The following GAGE10 variants were observed in gnomAD, a reference collection of about 807,000 sequenced individuals.
GAGE10 encodes the protein G antigen 10.
In GAGE10, 9 loss-of-function variants were observed where a neutral mutation model predicts 11.5. That is an observed-to-expected ratio of 0.78 (90% CI 0.47 to 1.37). The LOEUF (loss-of-function observed/expected upper bound fraction) is 1.37, where lower values mean the gene tolerates loss of function less well. GAGE10 is among the 40% of genes most tolerant of loss of function. GAGE10 has a pLI of 0.00. For missense variants in GAGE10, 83 were observed against 92.9 expected, an observed-to-expected ratio of 0.89 and a Z score of 0.44; for synonymous variants, 23 against 29.7, an observed-to-expected ratio of 0.77 and a Z score of 0.73.
intron 3 of GAGE10, among the ~76,000 whole-genome samples, chrX:49,311,897 C>T (rs1359887709): frequency 1.8e-5 from 2 of 112,450 alleles, no homozygotes; most frequent in African/African-American, 3.2e-5. Flanking sequence ...GGTCAGAAGA[C>T]AATAGTCTGG....
chrX:49,310,095 G>A (rs1441094395), intron 3 of GAGE10, among the ~76,000 whole-genome samples: 5 of 112,422 alleles, frequency 4.4e-5, no homozygotes, highest in African/African-American at 1.6e-4. Context: ...AAGACTTTGT[G>A]AGGCATTTTG....
At chrX:49,317,056 A>G (rs2066394432) in intron 3 of GAGE10, 107 bp from the exon 4 acceptor site, 1 of 931,833 alleles carries the variant, frequency 1.1e-6, no homozygotes, top group Non-Finnish European at 1.5e-6. Flanking sequence ...ATTTATTATT[A>G]TACTAGCTAA....
intron 3 of GAGE10, among the ~76,000 whole-genome samples, 164 bp from the exon 4 acceptor site, chrX:49,316,999 C>G (rs186322759): frequency 1.4e-3 from 159 of 111,503 alleles, no homozygotes; most frequent in African/African-American, 5.0e-3. Flanking sequence ...TTCCTGTTTT[C>G]TGCTAACAGA....
intron 3 of GAGE10, among the ~76,000 whole-genome samples, chrX:49,308,281 C>T (rs1242619689): frequency 1.1e-4 from 12 of 112,122 alleles, no homozygotes; most frequent in Non-Finnish European, 2.3e-4. Flanking sequence ...TCTGGTGACC[C>T]GGACAGGGAT....
intron 3 of GAGE10, among the ~76,000 whole-genome samples, chrX:49,312,602 A>G (rs2066379133): frequency 8.9e-6 from 1 of 112,925 alleles, no homozygotes; most frequent in African/African-American, 3.2e-5. Flanking sequence ...GAAAGGCTTT[A>G]CCTGAAGAAA....
chrX:49,314,542 C>T (rs112203838), intron 3 of GAGE10, among the ~76,000 whole-genome samples: 4,012 of 112,474 alleles, frequency 0.036, 71 homozygotes, highest in Non-Finnish European at 0.054. Flanking sequence ...CTACCTTTCT[C>T]GTCTACAGGA....
At chrX:49,309,579 C>T (rs1189022534) in intron 3 of GAGE10, among the ~76,000 whole-genome samples, 2 of 112,297 alleles carry the variant, frequency 1.8e-5, no homozygotes, top group Non-Finnish European at 3.8e-5. Context: ...AGGCTTGTAA[C>T]TCCAAAAGTA....
chrX:49,315,545 G>C (rs1422107575), intron 3 of GAGE10, among the ~76,000 whole-genome samples: 1 of 112,049 alleles, frequency 8.9e-6, no homozygotes, highest in Non-Finnish European at 1.9e-5. Context: ...AGATTTATTG[G>C]CAATACAAGC....
chrX:49,305,926 A>G (rs1400891681), intron 3 of GAGE10, among the ~76,000 whole-genome samples: 14 of 111,725 alleles, frequency 1.3e-4, no homozygotes, highest in Non-Finnish European at 5.6e-5. Context: ...ACTGTAAGGT[A>G]GCTTAGTACT....
intron 4 of GAGE10, among the ~76,000 whole-genome samples, chrX:49,317,589 C>A (rs1557125505): frequency 9.0e-6 from 1 of 111,141 alleles, no homozygotes; most frequent in African/African-American, 3.3e-5. Flanking sequence ...CTCAGGTGAT[C>A]CACTTAACTT....
chrX:49,304,976 A>C (rs1557123905), intron 2 of GAGE10, 36 bp downstream of exon 2: 1 of 1,170,997 alleles, frequency 8.5e-7, no homozygotes, highest in African/African-American at 1.8e-5. Context: ...GTTTTCTATT[A>C]GCAGAAATTA....
chrX:49,314,284 AC>A (rs1557124990), intron 3 of GAGE10, among the ~76,000 whole-genome samples: 1 of 112,112 alleles, frequency 8.9e-6, no homozygotes, highest in African/African-American at 3.2e-5. Context: ...CAAGTTAAGA[AC>A]CTACACATAC....
Position 49,311,163 on chromosome X carries a change from G to A in GAGE10, c.202+5639G>A, listed in dbSNP as rs1212031417. On this transcript the variant is annotated intron_variant, in intron 3 of 4. Coordinates refer to ENST00000407599, the MANE Select transcript of GAGE10 (RefSeq NM_001098413.4). ...ACTTGCTGCAAACAGACCCCTGGTG[G>A]TAGTAGAGCTTAACCCTCATGCTGC... is the stretch of plus-strand genomic sequence containing the variant. Among the ~76,000 whole-genome samples, 7 of 111,807 alleles carry A rather than the reference G, an allele frequency of 6.3e-5. No individual in the cohort carries two copies. The Admixed American group carries it at 6.6e-4, about 11-fold the overall frequency.
At chrX:49,312,723 G>A (rs868990500) in intron 3 of GAGE10, among the ~76,000 whole-genome samples, 7 of 112,859 alleles carry the variant, frequency 6.2e-5, no homozygotes, top group African/African-American at 1.3e-4. Flanking sequence ...TATTAAAAAT[G>A]GATGGTGGCT....
At position 49,317,185 on chromosome X, in the gene GAGE10, C is replaced by A. The variant is rs2066395411; in HGVS notation, c.225C>A (p.Ser75Arg). Reference protein sequence around the residue: ...AGQGPKPEADSQEQVHPKTGC... With the variant: ...AGQGPKPEADRQEQVHPKTGC... The stretch of plus-strand genomic sequence containing the variant: ...AATGGCCGAAGCCTGAAGCTGATAG[C>A]CAGGAACAGGTTCACCCAAAGACTG... The change falls in exon 4 of 5, where the codon AGC (serine) becomes AGA (arginine). Residue 75 changes from serine to arginine, a missense_variant. Coordinates refer to ENST00000407599, the MANE Select transcript of GAGE10 (RefSeq NM_001098413.4). The A allele has an allele frequency of 8.3e-7, 1 of 1,205,041 alleles. No homozygotes were observed. The highest frequency in any genetic ancestry group is 1.1e-6 in the Non-Finnish European group (1 of 891,560).
Position 49,308,410 on chromosome X carries a change from C to T in GAGE10, c.202+2886C>T, listed in dbSNP as rs1273868983. Among the ~76,000 whole-genome samples the T allele has an allele frequency of 8.9e-5, 10 of 111,967 alleles. 1 individual carries two copies. The South Asian group carries it at 1.5e-3, about 17-fold the overall frequency. On this transcript the variant is annotated intron_variant, in intron 3 of 4. Transcript: ENST00000407599. ...TCACCTGGATGGAGACTGGCTCTCC[C>T]GGCATCCCAGTGGCCTAGCTGGCTG...
At chrX:49,316,679 T>C (rs1450239169) in intron 3 of GAGE10, among the ~76,000 whole-genome samples, 1 of 112,403 alleles carries the variant, frequency 8.9e-6, no homozygotes, top group African/African-American at 3.2e-5. Context: ...TTAATTTGTC[T>C]TTGTCATTCA....
At chrX:49,306,503 T>G (rs782073432) in intron 3 of GAGE10, among the ~76,000 whole-genome samples, 1 of 112,280 alleles carries the variant, frequency 8.9e-6, no homozygotes, top group Non-Finnish European at 1.9e-5. Flanking sequence ...GTGTCATGAC[T>G]GTAAGATTTT....
intron 3 of GAGE10, among the ~76,000 whole-genome samples, chrX:49,306,499 T>C (rs1418954383): frequency 8.9e-6 from 1 of 112,309 alleles, no homozygotes; most frequent in Non-Finnish European, 1.9e-5. Flanking sequence ...ATGGGTGTCA[T>C]GACTGTAAGA....
Sources: allele counts gnomAD v4.1 joint callset (sites outside exome capture counted in the v4.1 genomes callset), GRCh38; gene constraint gnomAD v4.1.1; transcripts MANE v1.5; gene names NCBI Gene and HGNC (gene_info 2026-07-23, HGNC 2026-07-21).